The following MAMLD1 variants were observed in gnomAD, a reference collection of about 807,000 sequenced individuals.
MAMLD1 encodes the protein mastermind like domain containing 1.
In MAMLD1, 14 loss-of-function variants were observed where a neutral mutation model predicts 45.0. The ratio of observed to expected loss-of-function variants is 0.31; its 90% CI spans 0.21 to 0.49. The LOEUF (loss-of-function observed/expected upper bound fraction) is 0.49. Among genes scored for constraint, MAMLD1 ranks in the 20% least tolerant of loss-of-function variants. The pLI, the probability that MAMLD1 is intolerant of heterozygous loss-of-function variation, is 0.99. For missense variants in MAMLD1, 543 were observed against 603.6 expected (o/e 0.90, Z 1.05); for synonymous variants, 254 against 247.8 (o/e 1.02, Z -0.24).
chrX:150,486,809 T>C (rs1304118369), intron 5 of MAMLD1, among the ~76,000 whole-genome samples: 2 of 111,601 alleles, frequency 1.8e-5, no homozygotes, highest in Non-Finnish European at 3.8e-5. Context: ...AAAAAAAATT[T>C]CAATTGGGAA....
At chrX:150,438,040 T>C (rs1557404352) in intron 1 of MAMLD1, among the ~76,000 whole-genome samples, 1 of 111,444 alleles carries the variant, frequency 9.0e-6, no homozygotes, top group Admixed American at 9.5e-5. Context: ...TTGTATCAAC[T>C]GTGTATTTCT....
intron 1 of MAMLD1, among the ~76,000 whole-genome samples, chrX:150,372,529 G>C (rs181249374): frequency 1.7e-4 from 19 of 112,423 alleles, no homozygotes; most frequent in Admixed American, 5.6e-4. Flanking sequence ...GGCTTCGGGA[G>C]GAGGGCACAG....
intron 2 of MAMLD1, among the ~76,000 whole-genome samples, chrX:150,461,004 A>T (rs1199795968): frequency 8.9e-6 from 1 of 112,794 alleles, no homozygotes; most frequent in Non-Finnish European, 1.9e-5. Flanking sequence ...CTGTGAGAGG[A>T]TCCACAGGTA....
At chrX:150,508,314 C>A (rs1467647683) in intron 6 of MAMLD1, among the ~76,000 whole-genome samples, 11 of 112,033 alleles carry the variant, frequency 9.8e-5, no homozygotes, top group African/African-American at 3.2e-4. Context: ...GTGAGACGTG[C>A]TCAGTATAAT....
intron 6 of MAMLD1, chrX:150,509,305 C>T (rs1035048133): frequency 1.8e-5 from 2 of 113,198 alleles, no homozygotes; most frequent in African/African-American, 3.2e-5. Context: ...AGCCTCAGTC[C>T]TCTTCTCAAT....
intron 5 of MAMLD1, among the ~76,000 whole-genome samples, chrX:150,483,045 T>C (rs905627307): frequency 8.9e-6 from 1 of 112,089 alleles, no homozygotes; most frequent in African/African-American, 3.3e-5. Context: ...CTGACTGGCT[T>C]TCTGTGCAAA....
chrX:150,465,504 G>A (rs1381918019), intron 3 of MAMLD1, among the ~76,000 whole-genome samples: 11 of 111,845 alleles, frequency 9.8e-5, no homozygotes, highest in African/African-American at 3.6e-4. Context: ...GGATCACATT[G>A]GTGGCTTTGT....
intron 1 of MAMLD1, among the ~76,000 whole-genome samples, chrX:150,401,916 C>G (rs1391112203): frequency 9.1e-6 from 1 of 109,928 alleles, no homozygotes; most frequent in Admixed American, 9.7e-5. Context: ...ATACAAAAAT[C>G]AATTCAAGAT....
intron 1 of MAMLD1, among the ~76,000 whole-genome samples, chrX:150,429,409 G>A (rs1557403947): frequency 9.0e-6 from 1 of 110,891 alleles, no homozygotes; most frequent in African/African-American, 3.3e-5. Flanking sequence ...CCTGCATCTG[G>A]ACCCTGAAGT....
intron 1 of MAMLD1, among the ~76,000 whole-genome samples, chrX:150,423,758 G>A (rs1444159978): frequency 8.9e-6 from 1 of 111,738 alleles, no homozygotes; most frequent in African/African-American, 3.3e-5. Context: ...TAAGCCTGTA[G>A]GCATTTAGCT....
chrX:150,389,471 A>G (rs2033081824), intron 1 of MAMLD1, among the ~76,000 whole-genome samples: 1 of 111,996 alleles, frequency 8.9e-6, no homozygotes, highest in African/African-American at 3.2e-5. Flanking sequence ...ATTGATTTCT[A>G]GTTTGATTCC....
chrX:150,379,933 G>T (rs2032519540), intron 1 of MAMLD1, among the ~76,000 whole-genome samples: 1 of 112,169 alleles, frequency 8.9e-6, no homozygotes, highest in African/African-American at 3.2e-5. Flanking sequence ...AACCTCCTAT[G>T]TGTAGCCATT....
At chrX:150,367,829 G>C (rs1391335625) in intron 1 of MAMLD1, among the ~76,000 whole-genome samples, 1 of 110,050 alleles carries the variant, frequency 9.1e-6, no homozygotes, top group Non-Finnish European at 1.9e-5. Context: ...TTGTCCTTGC[G>C]ATAGTTTGCT....
Position 150,485,597 on chromosome X carries a change from C to T in MAMLD1, c.2040+11795C>T, listed in dbSNP as rs782162852. Among the ~76,000 whole-genome samples the T allele has an allele frequency of 6.2e-5, 7 of 112,010 alleles. No individual in the cohort carries two copies. In the South Asian group the frequency reaches 2.6e-3, roughly 42 times the overall value. ...CAATTATTTTCTTCACAGAAACCCA[C>T]AAAGTACATATTCTAGTTTGCATCA... On this transcript the variant is annotated intron_variant, in intron 5 of 7. Transcript: ENST00000370401.
At chrX:150,430,947 T>A (rs1192898214) in intron 1 of MAMLD1, among the ~76,000 whole-genome samples, 1 of 112,255 alleles carries the variant, frequency 8.9e-6, no homozygotes, top group Non-Finnish European at 1.9e-5. Context: ...TTCCATAAAA[T>A]TTTGGAAAAA....
At chrX:150,361,621 C>T (rs782431098), upstream of MAMLD1, 1 of 112,628 alleles carries the variant, frequency 8.9e-6, no homozygotes, top group East Asian at 2.8e-4. Context: ...AGGAGCTGAG[C>T]GCTGCTGCTG....
At chrX:150,481,856 AAG>A (rs2036770865) in intron 5 of MAMLD1, among the ~76,000 whole-genome samples, 2 of 105,996 alleles carry the variant, frequency 1.9e-5, no homozygotes, top group Admixed American at 1.0e-4. Flanking sequence ...GAAAGAAAGA[AAG>A]AGAGAAAGAA....
At chrX:150,439,870 C>T (rs1557404445) in intron 1 of MAMLD1, among the ~76,000 whole-genome samples, 2 of 111,173 alleles carry the variant, frequency 1.8e-5, no homozygotes, top group Admixed American at 9.5e-5. Flanking sequence ...ATCGCTTGAC[C>T]TGGGAGGTGG....
intron 3 of MAMLD1, among the ~76,000 whole-genome samples, chrX:150,466,029 G>A (rs782604190): frequency 8.9e-6 from 1 of 112,578 alleles, no homozygotes; most frequent in South Asian, 3.7e-4. Flanking sequence ...AAACCTCAGC[G>A]GCATCAGCCA....
Sources: allele counts gnomAD v4.1 joint callset (sites outside exome capture counted in the v4.1 genomes callset), GRCh38; gene constraint gnomAD v4.1.1; transcripts MANE v1.5; gene names NCBI Gene and HGNC (gene_info 2026-07-23, HGNC 2026-07-21).